IGF2BP2: variants seen among roughly 807,000 people sequenced by gnomAD.
IGF2BP2 encodes the protein insulin like growth factor 2 mRNA binding protein 2, also known as insulin-like growth factor 2 mRNA-binding protein 2.
In IGF2BP2, 17 loss-of-function variants were observed where a neutral mutation model predicts 75.8. The observed-to-expected ratio is 0.22, with a 90% CI of 0.15 to 0.34. IGF2BP2 has a LOEUF of 0.34. IGF2BP2 is among the 10% of genes least tolerant of loss of function. IGF2BP2 has a pLI of 1.00. For missense variants in IGF2BP2, 516 were observed against 772.4 expected, an observed-to-expected ratio of 0.67 and a Z score of 3.93; for synonymous variants, 288 against 295.6, an observed-to-expected ratio of 0.97 and a Z score of 0.26.
At chr3:185,711,084 CTTA>C (rs2149415248) in intron 2 of IGF2BP2, among the ~76,000 whole-genome samples, 1 of 152,218 alleles carries the variant, frequency 6.6e-6, no homozygotes, top group South Asian at 2.1e-4. Flanking sequence ...ATAAATTATT[CTTA>C]TTATTAAAAG....
At chr3:185,800,785 A>C (rs1738137149) in intron 2 of IGF2BP2, among the ~76,000 whole-genome samples, 1 of 151,264 alleles carries the variant, frequency 6.6e-6, no homozygotes, top group Non-Finnish European at 1.5e-5. Flanking sequence ...AGAAATCTGG[A>C]AGGTAGGACA....
intron 14 of IGF2BP2, 77 bp downstream of exon 14, chr3:185,649,326 G>C: frequency 1.3e-6 from 2 of 1,565,428 alleles, no homozygotes; most frequent in Admixed American, 1.8e-5. Flanking sequence ...GGCGCCAAGG[G>C]GAGACTGAGG....
Position 185,792,548 on chromosome 3 carries a change from G to A in IGF2BP2, c.239+30605C>T, listed in dbSNP as rs957674213. ...TGGGAGGCCAAGGCGGGTGGATCAC[G>A]AGGTCAGGAGTTCAAGACCAGCCTG... On this transcript the variant is annotated intron_variant, in intron 2 of 15. Transcript: ENST00000382199. 1.1e-4 allele frequency among the ~76,000 whole-genome samples: 16 copies of A among 151,818 alleles called. No individual in the cohort carries two copies. In the East Asian group the frequency reaches 2.3e-3, roughly 22 times the overall value.
chr3:185,660,666 G>A (rs1716288717), intron 10 of IGF2BP2, among the ~76,000 whole-genome samples: 1 of 152,204 alleles, frequency 6.6e-6, no homozygotes, highest in African/African-American at 2.4e-5. Context: ...TTGCAGGAAG[G>A]TGGGTGAAGC....
chr3:185,791,691 A>T (rs2149865420), intron 2 of IGF2BP2, among the ~76,000 whole-genome samples: 1 of 152,366 alleles, frequency 6.6e-6, no homozygotes, highest in African/African-American at 2.4e-5. Flanking sequence ...TAGGAAGAAG[A>T]GAGAGAAGAC....
chr3:185,676,532 C>G (rs985579011), intron 7 of IGF2BP2, among the ~76,000 whole-genome samples: 2 of 151,864 alleles, frequency 1.3e-5, no homozygotes, highest in African/African-American at 4.8e-5. Flanking sequence ...CAAAATTAGC[C>G]AGGCATAGTG....
At chr3:185,677,068 T>TATATATATATATAG in intron 7 of IGF2BP2, among the ~76,000 whole-genome samples, 15 of 35,862 alleles carry the variant, frequency 4.2e-4, no homozygotes, top group South Asian at 2.2e-3. Flanking sequence ...TATATATATA[T>TATATATATATATAG]AGAGAGAGAG....
chr3:185,665,413 GAGGAGA>G (rs1239000319), intron 10 of IGF2BP2, among the ~76,000 whole-genome samples: 7 of 126,300 alleles, frequency 5.5e-5, no homozygotes, highest in South Asian at 2.9e-4. Flanking sequence ...GAAGGAAAAG[GAGGAGA>G]AGGAGAAGGA....
intron 14 of IGF2BP2, among the ~76,000 whole-genome samples, 183 bp downstream of exon 14, chr3:185,649,220 A>AT (rs1714138040): frequency 6.6e-6 from 1 of 151,876 alleles, no homozygotes; most frequent in Admixed American, 6.6e-5. Context: ...AGCCGATGAC[A>AT]TTTTTGTCCT....
chr3:185,724,297 C>G (rs1171772131), intron 2 of IGF2BP2: 1 of 152,238 alleles, frequency 6.6e-6, no homozygotes, highest in Non-Finnish European at 1.5e-5. Flanking sequence ...CAGCCAACAA[C>G]AGTCTTGTTT....
chr3:185,784,051 A>T (rs1735551298), intron 2 of IGF2BP2, among the ~76,000 whole-genome samples: 1 of 152,180 alleles, frequency 6.6e-6, no homozygotes, highest in African/African-American at 2.4e-5. Flanking sequence ...CCTAGCCAAC[A>T]TGGTGAACTT....
Position 185,689,947 on chromosome 3 carries a change from G to A in IGF2BP2, c.405-320C>T, listed in dbSNP as rs1180099764. 4.5e-5 allele frequency among the ~76,000 whole-genome samples: 6 copies of A among 132,578 alleles called. No homozygotes were observed. In the East Asian group the frequency reaches 6.6e-4, roughly 15 times the overall value. The allele number at this position is 132,578 out of a possible 152,430, so 87.0% of individuals were successfully genotyped here. On this transcript the variant is annotated intron_variant, in intron 5 of 15. Coordinates refer to ENST00000382199, the MANE Select transcript of IGF2BP2 (RefSeq NM_006548.6). ...CCTGCCACTGCACTCCAGCCTGGGC[G>A]ACAGAGCGAGACTCCGTCTCAAAAA...
chr3:185,813,658 A>C (rs1355421136), intron 2 of IGF2BP2, among the ~76,000 whole-genome samples: 3 of 152,272 alleles, frequency 2.0e-5, no homozygotes, highest in Non-Finnish European at 4.4e-5. Flanking sequence ...AACCACTTAC[A>C]AAAGCCTACA....
chr3:185,662,943 G>A (rs541348690), intron 10 of IGF2BP2, among the ~76,000 whole-genome samples: 2 of 152,134 alleles, frequency 1.3e-5, no homozygotes, highest in Non-Finnish European at 2.9e-5. Flanking sequence ...GCCTCCCAGA[G>A]TGCTGGGATT....
At chr3:185,744,386 CA>C (rs928252589) in intron 2 of IGF2BP2, among the ~76,000 whole-genome samples, 7 of 147,882 alleles carry the variant, frequency 4.7e-5, no homozygotes, top group African/African-American at 9.9e-5. Flanking sequence ...ATATAGTCTG[CA>C]AAAAAAAAGA....
At chr3:185,667,306 A>G in intron 10 of IGF2BP2, among the ~76,000 whole-genome samples, 1 of 152,224 alleles carries the variant, frequency 6.6e-6, no homozygotes, top group South Asian at 2.1e-4. Flanking sequence ...ACCAACAACT[A>G]AAAATTAGTG....
chr3:185,705,972 C>T lies in IGF2BP2; in HGVS notation c.240-7625G>A, dbSNP rs1403255254. Among the ~76,000 whole-genome samples, 4 of 152,202 alleles carry T rather than the reference C, an allele frequency of 2.6e-5. No homozygotes were observed. The East Asian group carries it at 7.7e-4, about 29-fold the overall frequency. On this transcript the variant is annotated intron_variant, in intron 2 of 15. Coordinates refer to ENST00000382199, the MANE Select transcript of IGF2BP2 (RefSeq NM_006548.6). ...AATAGTCTGAGATTAATTCATTTATCTCCCCACAGCCCTCTCAGAGCCTAC... is the reference window on the plus strand; with the variant it reads ...AATAGTCTGAGATTAATTCATTTATTTCCCCACAGCCCTCTCAGAGCCTAC...
chr3:185,676,650 G>T (rs1370770340), intron 7 of IGF2BP2, among the ~76,000 whole-genome samples: 1 of 150,440 alleles, frequency 6.6e-6, no homozygotes, highest in Non-Finnish European at 1.5e-5. Flanking sequence ...ACTCCAGCCT[G>T]GGCTACAGAG....
At chr3:185,658,508 GGC>G in intron 10 of IGF2BP2, 99 bp from the exon 11 acceptor site, 1 of 933,080 alleles carries the variant, frequency 1.1e-6, no homozygotes, top group Admixed American at 2.1e-5. Flanking sequence ...GGCTCTCTGT[GGC>G]ATCAGCTGGC....
Sources: allele counts gnomAD v4.1 joint callset (sites outside exome capture counted in the v4.1 genomes callset), GRCh38; gene constraint gnomAD v4.1.1; transcripts MANE v1.5; gene names NCBI Gene and HGNC (gene_info 2026-07-23, HGNC 2026-07-21).